Variants in GABRG3 observed in about 807,000 individuals in gnomAD.
GABRG3 encodes gamma-aminobutyric acid type A receptor subunit gamma3.
Under a neutral mutation model 48.8 loss-of-function variants are expected in GABRG3, and 25 were observed. The observed-to-expected ratio is 0.51, with a 90% CI of 0.37 to 0.72. GABRG3 has a LOEUF of 0.72. Among genes scored for constraint, GABRG3 ranks in the 30% least tolerant of loss-of-function variants. GABRG3 has a pLI of 0.00. For missense variants in GABRG3, 394 were observed against 577.9 expected (o/e 0.68, Z 3.26); for synonymous variants, 227 against 217.6 (o/e 1.04, Z -0.38).
intron 4 of GABRG3, among the ~76,000 whole-genome samples, chr15:27,327,801 A>G (rs1893667423): frequency 6.6e-6 from 1 of 152,110 alleles, no homozygotes; most frequent in Non-Finnish European, 1.5e-5. Context: ...GCCCCGGGGC[A>G]CAGGGCTCCT....
intron 3 of GABRG3, among the ~76,000 whole-genome samples, chr15:27,245,780 G>A (rs1023507859): frequency 1.3e-5 from 2 of 152,322 alleles, no homozygotes; most frequent in Admixed American, 1.3e-4. Context: ...GGCTGAGGCA[G>A]GAGAATCGCT....
At chr15:26,983,988 T>C (rs760021071) in intron 2 of GABRG3, among the ~76,000 whole-genome samples, 4 of 152,134 alleles carry the variant, frequency 2.6e-5, no homozygotes, top group Non-Finnish European at 4.4e-5. Context: ...GAGCTCACCA[T>C]GCCTGTCTTC....
chr15:27,422,860 G>A lies in GABRG3; in HGVS notation c.575-57790G>A, dbSNP rs530875760. On this transcript the variant is annotated intron_variant, in intron 5 of 9. Coordinates refer to ENST00000615808, the MANE Select transcript of GABRG3 (RefSeq NM_033223.5). Reference sequence around the variant, plus strand: ...AGGCAAAAGAGCAGGTTATACTCACGACTAAGGTTTATTGTAGCCAAGGGA... The same window carrying A: ...AGGCAAAAGAGCAGGTTATACTCACAACTAAGGTTTATTGTAGCCAAGGGA... 2.0e-5 allele frequency among the ~76,000 whole-genome samples: 3 copies of A among 152,136 alleles called. No individual in the cohort carries two copies. The East Asian group carries it at 5.8e-4, about 29-fold the overall frequency.
chr15:27,199,662 C>A (rs1888617836), intron 3 of GABRG3, among the ~76,000 whole-genome samples: 3 of 152,112 alleles, frequency 2.0e-5, no homozygotes, highest in African/African-American at 7.2e-5. Context: ...TGCCTGCTCC[C>A]CCTTCCTTTC....
At chr15:27,004,276 C>T (rs182155569) in intron 2 of GABRG3, among the ~76,000 whole-genome samples, 12,217 of 150,880 alleles carry the variant, frequency 0.081, 637 homozygotes, top group Middle Eastern at 0.22. Context: ...TCAGACGGGG[C>T]GGCCGGGCAG....
intron 5 of GABRG3, among the ~76,000 whole-genome samples, chr15:27,413,150 A>G (rs1038932392): frequency 6.6e-6 from 1 of 152,212 alleles, no homozygotes; most frequent in Non-Finnish European, 1.5e-5. Flanking sequence ...ATCATACTTT[A>G]TCCATTTTAG....
chr15:27,005,545 C>T (rs748558754), intron 2 of GABRG3, among the ~76,000 whole-genome samples: 5 of 152,090 alleles, frequency 3.3e-5, no homozygotes, highest in African/African-American at 9.7e-5. Flanking sequence ...TTCTCTTATT[C>T]GTTGTGCTCA....
At chr15:27,359,108 C>T (rs1894939603) in intron 5 of GABRG3, among the ~76,000 whole-genome samples, 1 of 152,196 alleles carries the variant, frequency 6.6e-6, no homozygotes, top group Non-Finnish European at 1.5e-5. Context: ...TGGCCTCTCC[C>T]TTCTCCTATC....
At chr15:27,257,417 G>A (rs1256993304) in intron 3 of GABRG3, among the ~76,000 whole-genome samples, 1 of 152,022 alleles carries the variant, frequency 6.6e-6, no homozygotes, top group Non-Finnish European at 1.5e-5. Flanking sequence ...TTTATTGTCT[G>A]TGCTTTTGGG....
intron 3 of GABRG3, among the ~76,000 whole-genome samples, chr15:27,163,303 A>G (rs1887259938): frequency 6.6e-6 from 1 of 152,098 alleles, no homozygotes; most frequent in Non-Finnish European, 1.5e-5. Flanking sequence ...ACTTGTGTTC[A>G]GCCTGGGCAA....
chr15:27,267,181 G>T (rs1157225098), intron 3 of GABRG3, among the ~76,000 whole-genome samples: 1 of 141,442 alleles, frequency 7.1e-6, no homozygotes, highest in African/African-American at 2.6e-5. Flanking sequence ...ATCTTGGCCC[G>T]CTGCAACCTC....
intron 5 of GABRG3, among the ~76,000 whole-genome samples, chr15:27,410,629 T>C (rs1391107966): frequency 6.6e-6 from 1 of 152,208 alleles, no homozygotes; most frequent in Non-Finnish European, 1.5e-5. Context: ...AGGTACTGTC[T>C]ATTATCCTTT....
intron 2 of GABRG3, among the ~76,000 whole-genome samples, chr15:27,022,670 G>C (rs927163805): frequency 2.0e-5 from 3 of 152,210 alleles, no homozygotes; most frequent in East Asian, 3.9e-4. Flanking sequence ...CTAGTTTTTG[G>C]TACGTGGCTC....
intron 3 of GABRG3, among the ~76,000 whole-genome samples, chr15:27,284,208 C>A (rs1045379121): frequency 6.6e-6 from 1 of 152,164 alleles, no homozygotes; most frequent in Non-Finnish European, 1.5e-5. Flanking sequence ...TATTCTCTTC[C>A]TTTCTATTAA....
At chr15:27,491,042 A>G (rs1288744971) in intron 6 of GABRG3, among the ~76,000 whole-genome samples, 1 of 152,232 alleles carries the variant, frequency 6.6e-6, no homozygotes, top group Non-Finnish European at 1.5e-5. Context: ...CATTTATCAG[A>G]ACACCACGCA....
intron 2 of GABRG3, among the ~76,000 whole-genome samples, chr15:26,991,921 C>T (rs977484271): frequency 6.6e-6 from 1 of 152,036 alleles, no homozygotes; most frequent in Non-Finnish European, 1.5e-5. Context: ...GGGGTTTCAC[C>T]GTGTTAGCCA....
intron 6 of GABRG3, among the ~76,000 whole-genome samples, chr15:27,484,124 C>T (rs886721474): frequency 1.3e-5 from 2 of 152,012 alleles, no homozygotes; most frequent in African/African-American, 4.8e-5. Context: ...TTAGTAGAGA[C>T]GCAGTTTCGC....
At chr15:27,103,256 C>T (rs1897391503) in intron 3 of GABRG3, among the ~76,000 whole-genome samples, 1 of 152,206 alleles carries the variant, frequency 6.6e-6, no homozygotes, top group Admixed American at 6.5e-5. Flanking sequence ...CAACCCACTC[C>T]TCAGGAATGA....
chr15:27,221,597 G>A (rs1228598376), intron 3 of GABRG3, among the ~76,000 whole-genome samples: 2 of 152,038 alleles, frequency 1.3e-5, no homozygotes, highest in African/African-American at 4.8e-5. Flanking sequence ...AGGCTGGGGG[G>A]CTCCCATGGC....
Sources: gnomAD v4.1 joint callset for allele counts (sites outside exome capture counted in the v4.1 genomes callset) on GRCh38, gnomAD v4.1.1 for gene constraint, MANE v1.5 for transcripts, NCBI Gene and HGNC (gene_info 2026-07-23, HGNC 2026-07-21) for gene names.